Variants in COL4A1 observed in about 807,000 individuals in gnomAD.
The protein encoded by COL4A1 is collagen alpha-1(IV) chain.
COL4A1 carries 40 observed loss-of-function variants against 216.6 expected under a neutral mutation model. The observed-to-expected ratio is 0.18, with a 90% CI of 0.14 to 0.24. COL4A1 has a LOEUF of 0.24. Ranked by LOEUF, COL4A1 falls within the 10% of genes least tolerant of loss-of-function variation. COL4A1 has a pLI of 1.00. For synonymous variants in COL4A1, 839 were observed against 810.7 expected (o/e 1.03, Z -0.59); for missense variants, 1,628 against 2,196.8 (o/e 0.74, Z 5.18).
In COL4A1 at chr13:110,213,046, G is replaced by A. The variant is rs56662453; in HGVS notation, c.280-428C>T. Among the ~76,000 whole-genome samples the A allele has an allele frequency of 6.5e-3, 996 of 152,238 alleles. 19 individuals carry two copies. The highest frequency in any genetic ancestry group is 0.022 in the African/African-American group (901 of 41,536). ...GAAACCAAATACCGTATGTTCTCACGTATAAGTGGCGTCTAAGCTATGAGG... is the reference window on the plus strand; with the variant it reads ...GAAACCAAATACCGTATGTTCTCACATATAAGTGGCGTCTAAGCTATGAGG... On this transcript the variant is annotated intron_variant, in intron 4 of 51. Transcript: ENST00000375820.
intron 2 of COL4A1, among the ~76,000 whole-genome samples, chr13:110,235,948 T>C (rs1241305935): frequency 1.3e-5 from 2 of 152,198 alleles, no homozygotes; most frequent in African/African-American, 4.8e-5. Flanking sequence ...TTGAAGATTA[T>C]TGAATTCTCC....
chr13:110,281,974 A>G (rs1212317255), intron 1 of COL4A1, among the ~76,000 whole-genome samples: 1 of 152,166 alleles, frequency 6.6e-6, no homozygotes. Context: ...AGCTCCCTTC[A>G]GTTTTCCTGG....
At chr13:110,295,815 G>C (rs1884254134) in intron 1 of COL4A1, among the ~76,000 whole-genome samples, 1 of 152,174 alleles carries the variant, frequency 6.6e-6, no homozygotes, top group South Asian at 2.1e-4. Flanking sequence ...CCCACCTCTG[G>C]AGCCCCAGAG....
chr13:110,298,736 G>A (rs948981468), intron 1 of COL4A1: 3 of 152,286 alleles, frequency 2.0e-5, no homozygotes, highest in African/African-American at 7.2e-5. Context: ...CTGCGTCCCA[G>A]CGCCCGCTGA....
At position 110,183,217 on chromosome 13, in the gene COL4A1, G is replaced by T. The variant is rs1383406064; in HGVS notation, c.1957C>A (p.Leu653Met). Residue 653 changes from leucine (L) to methionine (M), a missense_variant, in exon 27 of 52, where the codon CTG (leucine) becomes ATG (methionine). This residue lies in a region of COL4A1 where 701 missense variants were observed against 892.5 expected (regional missense o/e 0.79). Coordinates refer to ENST00000375820, the MANE Select transcript of COL4A1 (RefSeq NM_001845.6). ...CCTGGGAAGCCTGGGGACCCCGGCA[G>T]TCCTTCTGCTCCAGGGGGGCCTGGT... ...PLPGPPGAEG[L>M]PGSPGFPGPQ... 4 of 1,613,768 alleles carry T rather than the reference G, an allele frequency of 2.5e-6. No homozygotes were observed. In the African/African-American group the frequency reaches 5.3e-5, roughly 22 times the overall value.
intron 33 of COL4A1, among the ~76,000 whole-genome samples, chr13:110,177,400 A>C (rs2139163489): frequency 6.6e-6 from 1 of 152,332 alleles, no homozygotes; most frequent in East Asian, 1.9e-4. Flanking sequence ...ATTCTACAAA[A>C]CAAATGACCT....
chr13:110,263,799 G>A (rs754919152), intron 1 of COL4A1, among the ~76,000 whole-genome samples: 2 of 151,950 alleles, frequency 1.3e-5, no homozygotes, highest in African/African-American at 4.8e-5. Context: ...CACTTATTAG[G>A]GCTCTCAAAT....
chr13:110,222,738 A>C (rs985181952), intron 2 of COL4A1, among the ~76,000 whole-genome samples: 1 of 119,122 alleles, frequency 8.4e-6, no homozygotes, highest in Non-Finnish European at 1.7e-5. Context: ...GTGCCACTGC[A>C]CTCCAGCCTG....
At chr13:110,215,078 T>G (rs1880001228) in intron 2 of COL4A1, among the ~76,000 whole-genome samples, 2 of 152,188 alleles carry the variant, frequency 1.3e-5, no homozygotes, top group African/African-American at 4.8e-5. Flanking sequence ...TCAATGGAAC[T>G]CTCTTGTTAG....
At chr13:110,157,528 G>C (rs1291512727) in intron 49 of COL4A1, among the ~76,000 whole-genome samples, 2 of 152,246 alleles carry the variant, frequency 1.3e-5, no homozygotes, top group African/African-American at 4.8e-5. Context: ...CAAAGGGGCA[G>C]CCTCTCTACG....
chr13:110,259,281 G>C (rs1174051164), intron 1 of COL4A1, among the ~76,000 whole-genome samples: 2 of 152,072 alleles, frequency 1.3e-5, no homozygotes, highest in African/African-American at 4.8e-5. Flanking sequence ...CCCTAATTAG[G>C]TGGTTCTAAC....
rs750538677 is a variant in COL4A1, at chr13:110,150,391, C to T, written c.4982G>A (p.Arg1661His). 13 of 1,613,936 alleles carry T rather than the reference C, an allele frequency of 8.1e-6. No individual in the cohort carries two copies. Among genetic ancestry groups the T allele is most frequent in the African/African-American group, 1.3e-5 (1 of 75,052 alleles). The part of the protein sequence containing the change: ...KAGELRTHVS[R>H]CQVCMRRT ...TGTTCTTCTCATACAGACTTGGCAG[C>T]GGCTGACGTGCGTGCGCAGCTCCCC... The change falls in exon 52 of 52, where the codon CGC becomes CAC. Residue 1661 changes from arginine to histidine, a missense_variant. Transcript: ENST00000375820.
At chr13:110,168,805 C>G (rs1465527806) in intron 43 of COL4A1, among the ~76,000 whole-genome samples, 1 of 152,208 alleles carries the variant, frequency 6.6e-6, no homozygotes, top group Non-Finnish European at 1.5e-5. Context: ...CTGATATACT[C>G]TCTCTTTCTC....
intron 1 of COL4A1, among the ~76,000 whole-genome samples, chr13:110,302,513 G>T (rs75269355): frequency 2.0e-5 from 3 of 152,148 alleles, no homozygotes; most frequent in Non-Finnish European, 4.4e-5. Context: ...CCCACACTGA[G>T]GGGCATGGGA....
At chr13:110,253,687 T>TAC (rs1882357544) in intron 1 of COL4A1, among the ~76,000 whole-genome samples, 1 of 116,384 alleles carries the variant, frequency 8.6e-6, no homozygotes, top group South Asian at 2.9e-4. Flanking sequence ...GTATTACATA[T>TAC]ACATATAATT....
At chr13:110,169,087 G>A (rs1214324617) in intron 43 of COL4A1, among the ~76,000 whole-genome samples, 1 of 151,254 alleles carries the variant, frequency 6.6e-6, no homozygotes, top group South Asian at 2.1e-4. Flanking sequence ...GTCACTTATT[G>A]CACCCTGAGA....
chr13:110,232,249 G>GACA (rs1881096129), intron 2 of COL4A1, among the ~76,000 whole-genome samples: 1 of 152,188 alleles, frequency 6.6e-6, no homozygotes, highest in Non-Finnish European at 1.5e-5. Context: ...AGAAAAATCT[G>GACA]ACAAAGGGGC....
chr13:110,186,822 CA>C (rs970703037), intron 25 of COL4A1, among the ~76,000 whole-genome samples: 13 of 152,280 alleles, frequency 8.5e-5, no homozygotes, highest in African/African-American at 3.1e-4. Context: ...CTTTTGAAAA[CA>C]ATGACATGAA....
At chr13:110,281,493 G>A (rs2139300608) in intron 1 of COL4A1, among the ~76,000 whole-genome samples, 1 of 152,190 alleles carries the variant, frequency 6.6e-6, no homozygotes, top group Non-Finnish European at 1.5e-5. Flanking sequence ...AAAGAGAAGA[G>A]GAAGTGGTTA....
Sources: allele counts gnomAD v4.1 joint callset (sites outside exome capture counted in the v4.1 genomes callset), GRCh38; gene constraint gnomAD v4.1.1; regional missense constraint gnomAD v4.1.1; transcripts MANE v1.5; gene names NCBI Gene and HGNC (gene_info 2026-07-23, HGNC 2026-07-21).